Variants in PRPF6 observed in about 807,000 individuals in gnomAD.
PRPF6 encodes the protein pre-mRNA-processing factor 6.
In PRPF6, 42 loss-of-function variants were observed where a neutral mutation model predicts 118.3. The ratio of observed to expected loss-of-function variants is 0.35; its 90% confidence interval spans 0.28 to 0.46. PRPF6 has a LOEUF of 0.46. Among genes scored for constraint, PRPF6 ranks in the 20% least tolerant of loss-of-function variants. PRPF6 has a pLI of 1.00. For synonymous variants in PRPF6, 481 were observed against 485.1 expected, an observed-to-expected ratio of 0.99 and a Z score of 0.11; for missense variants, 662 against 1,255.7, an observed-to-expected ratio of 0.53 and a Z score of 7.15.
intron 12 of PRPF6, among the ~76,000 whole-genome samples, chr20:64,020,406 ACT>A (rs1482347553): frequency 6.6e-6 from 1 of 151,548 alleles, no homozygotes; most frequent in East Asian, 1.9e-4. Context: ...ACAAAGCGAG[ACT>A]CTGTCTTTAA....
In PRPF6 at chr20:64,017,497, G is replaced by A. The variant is rs113014632; in HGVS notation, c.1647+652G>A. On this transcript the variant is annotated intron_variant, in intron 12 of 20. Transcript: ENST00000266079. ...GCTGGGATCACAGGCGTGAGCCGCC[G>A]CGCCCGGCCTCCCAGAGTGCTGGGA... Among the ~76,000 whole-genome samples, 4 of 142,114 alleles carry A rather than the reference G, an allele frequency of 2.8e-5. No homozygotes were observed. The East Asian group carries it at 6.4e-4, about 23-fold the overall frequency. The allele number at this position is 142,114 out of a possible 152,430, so 93.2% of individuals were successfully genotyped here. A position where few individuals can be genotyped will look rare whatever the true frequency, so the allele number is the denominator to read the frequency against.
At chr20:63,982,347 T>A (rs1239577133) in intron 1 of PRPF6, among the ~76,000 whole-genome samples, 1 of 152,132 alleles carries the variant, frequency 6.6e-6, no homozygotes, top group Non-Finnish European at 1.5e-5. Context: ...AATTTTTGTA[T>A]TTTTAGTAGA....
At chr20:63,999,515 G>A (rs2059156569) in intron 7 of PRPF6, 88 bp from the exon 8 acceptor site, 1 of 1,527,082 alleles carries the variant, frequency 6.5e-7, no homozygotes, top group East Asian at 2.3e-5. Context: ...TTCTTACATT[G>A]TGACTGTGAA....
At chr20:64,008,492 A>G (rs2059200508) in intron 9 of PRPF6, among the ~76,000 whole-genome samples, 1 of 151,978 alleles carries the variant, frequency 6.6e-6, no homozygotes, top group Non-Finnish European at 1.5e-5. Flanking sequence ...AGAGGCTGTC[A>G]CTGCTCAGTG....
At chr20:64,002,013 G>GT (rs2059168567) in intron 9 of PRPF6, among the ~76,000 whole-genome samples, 7 of 65,290 alleles carry the variant, frequency 1.1e-4, no homozygotes, top group East Asian at 5.3e-4. Flanking sequence ...TTTTTTTTCT[G>GT]GTTTTTTTTT....
chr20:63,995,768 T>C (rs979938230), intron 6 of PRPF6, among the ~76,000 whole-genome samples: 1 of 151,942 alleles, frequency 6.6e-6, no homozygotes, highest in African/African-American at 2.4e-5. Flanking sequence ...GTGATTCTCC[T>C]ACCTCAGCCT....
intron 6 of PRPF6, among the ~76,000 whole-genome samples, 200 bp from the exon 7 acceptor site, chr20:63,998,841 CAAAA>C (rs543676271): frequency 1.9e-5 from 2 of 103,794 alleles, no homozygotes. Flanking sequence ...GACTCCATCT[CAAAA>C]AAAAAAAAAA....
At chr20:64,023,730 A>C (rs2059276081) in intron 13 of PRPF6, among the ~76,000 whole-genome samples, 2 of 152,194 alleles carry the variant, frequency 1.3e-5, no homozygotes, top group Admixed American at 1.3e-4. Context: ...CCTCTGTAGA[A>C]GGTCACCTGG....
chr20:64,001,509 C>T (rs1470124527), intron 9 of PRPF6, among the ~76,000 whole-genome samples: 3 of 152,204 alleles, frequency 2.0e-5, no homozygotes, highest in African/African-American at 7.2e-5. Context: ...TGGGCGGTCA[C>T]TCTGGTCCAG....
chr20:63,983,236 G>A lies in PRPF6; in HGVS notation c.240+21G>A, dbSNP rs6011242. 1,668 of 1,614,084 alleles carry A rather than the reference G, an allele frequency of 1.0e-3. 19 individuals carry two copies. The African/African-American group carries it at 0.02, about 19-fold the overall frequency. ...ATGAGGTGAGATGTGTCCGGCTTTC[G>A]TGGCTCCTCCAGCCAGTCTCTGGGA... On this transcript the variant is annotated intron_variant, in intron 2 of 20. Transcript: ENST00000266079.
intron 3 of PRPF6, 65 bp from the exon 4 acceptor site, chr20:63,993,342 G>T: frequency 8.7e-7 from 1 of 1,153,674 alleles, no homozygotes; most frequent in Non-Finnish European, 1.3e-6. Flanking sequence ...TAATTGAGAT[G>T]GATAATAAAT....
chr20:64,019,435 C>T (rs1370532286), intron 12 of PRPF6, among the ~76,000 whole-genome samples: 2 of 152,128 alleles, frequency 1.3e-5, no homozygotes, highest in African/African-American at 4.8e-5. Context: ...CTGGAGTAAG[C>T]ACAGCTGTTT....
intron 7 of PRPF6, among the ~76,000 whole-genome samples, 170 bp downstream of exon 7, chr20:63,999,309 G>A (rs565336734): frequency 2.6e-5 from 4 of 152,274 alleles, no homozygotes; most frequent in East Asian, 1.9e-4. Context: ...CATTCATTGC[G>A]TACACTCAAT....
chr20:63,984,912 T>C lies in PRPF6; in HGVS notation c.246T>C (p.Asn82=), dbSNP rs779436518. The change falls in exon 3 of 21, where the codon AAT becomes AAC. Residue 82 remains asparagine (N), a synonymous_variant. Coordinates refer to ENST00000266079, the MANE Select transcript of PRPF6 (RefSeq NM_012469.4). Reference sequence around the variant, plus strand: ...ACGTGTTGTTTGCTTCTCAGTTTAATGGCTATGCTGGGAGCCTCTTCTCAA... The same window carrying C: ...ACGTGTTGTTTGCTTCTCAGTTTAACGGCTATGCTGGGAGCCTCTTCTCAA... The part of the protein sequence containing the change: ...DLNDTNYDEF[N]GYAGSLFSSG... The C allele has an allele frequency of 6.2e-7, 1 of 1,612,382 alleles. No homozygotes were observed.
intron 9 of PRPF6, among the ~76,000 whole-genome samples, chr20:64,002,018 T>A (rs1449004522): frequency 8.3e-6 from 1 of 120,256 alleles, no homozygotes; most frequent in African/African-American, 3.1e-5. Context: ...TTTCTGGTTT[T>A]TTTTTTTTTT....
In PRPF6 at chr20:64,004,327, G is replaced by A. The variant is rs143315399; in HGVS notation, c.1186+3088G>A. On this transcript the variant is annotated intron_variant, in intron 9 of 20. Coordinates refer to ENST00000266079, the MANE Select transcript of PRPF6 (RefSeq NM_012469.4). ...CAGGATCTCCAGGATGGCCTTTGCC[G>A]CTGCCCTAATACTGGTCCTGGCCTG... Among the ~76,000 whole-genome samples, 30 of 152,340 alleles carry A rather than the reference G, an allele frequency of 2.0e-4. 1 individual carries two copies. The East Asian group carries it at 4.4e-3, about 23-fold the overall frequency.
At position 63,993,449 on chromosome 20, in the gene PRPF6, A is replaced by G; in HGVS notation, c.402A>G (p.Glu134=). 2 of 1,613,242 alleles carry G rather than the reference A, an allele frequency of 1.2e-6. No homozygotes were observed. Among genetic ancestry groups the G allele is most frequent in the Non-Finnish European group, 1.7e-6 (2 of 1,179,466 alleles). ...AAGAAATAGAGAAATATCGTATGGA[A>G]CGCCCCAAAATCCAACAGCAGTTCT... is the stretch of plus-strand genomic sequence containing the variant. ...EKEEIEKYRM[E]RPKIQQQFSD... The change falls in exon 4 of 21, where the codon GAA becomes GAG. Residue 134 remains glutamate (E), a synonymous_variant. Transcript: ENST00000266079.
chr20:64,009,352 T>G (rs1412646504), intron 9 of PRPF6, among the ~76,000 whole-genome samples: 2 of 148,650 alleles, frequency 1.3e-5, no homozygotes, highest in African/African-American at 5.0e-5. Context: ...TTGAAGTGAA[T>G]TACGTAGATC....
At chr20:63,994,857 A>T (rs1423003642) in intron 4 of PRPF6, 59 bp from the exon 5 acceptor site, 1 of 1,609,670 alleles carries the variant, frequency 6.2e-7, no homozygotes, top group African/African-American at 1.3e-5. Context: ...GCATGGTCCT[A>T]CCTGGGCACA....
Sources: allele counts gnomAD v4.1 joint callset (sites outside exome capture counted in the v4.1 genomes callset), GRCh38; gene constraint gnomAD v4.1.1; transcripts MANE v1.5; gene names NCBI Gene and HGNC (gene_info 2026-07-23, HGNC 2026-07-21).